Variants in CD109 observed in about 807,000 individuals in gnomAD.
CD109 encodes the protein CD109 molecule, also known as CD109 antigen.
A neutral mutation model predicts 165.8 loss-of-function variants in CD109; 149 were observed. The observed-to-expected ratio is 0.90, with a 90% CI of 0.79 to 1.03. The LOEUF is 1.03. CD109 is among the 50% of genes least tolerant of loss of function. CD109 has a pLI of 0.00. For synonymous variants in CD109, 585 were observed against 592.1 expected (o/e 0.99, Z 0.18); for missense variants, 1,712 against 1,677.8 (o/e 1.02, Z -0.36).
chr6:73,797,553 G>T (rs936407951), intron 23 of CD109, among the ~76,000 whole-genome samples: 1 of 140,582 alleles, frequency 7.1e-6, no homozygotes, highest in Non-Finnish European at 1.5e-5. Context: ...AATTCATAAT[G>T]ATTTCTTTTA....
chr6:73,818,778 A>T (rs937797816), intron 31 of CD109, among the ~76,000 whole-genome samples: 1 of 152,156 alleles, frequency 6.6e-6, no homozygotes, highest in Non-Finnish European at 1.5e-5. Context: ...TCTTTATGTC[A>T]TGCCAGATGT....
chr6:73,799,032 A>G (rs4708084), intron 23 of CD109, among the ~76,000 whole-genome samples: 81,726 of 151,392 alleles, frequency 0.54, 22,517 homozygotes, highest in African/African-American at 0.65. Flanking sequence ...TTGAATTCAT[A>G]GTTAAACTCT....
chr6:73,791,174 T>C (rs747009718), intron 22 of CD109, among the ~76,000 whole-genome samples: 92 of 30,672 alleles, frequency 3.0e-3, no homozygotes, highest in Admixed American at 4.8e-3. Context: ...TATATATATA[T>C]ATACACACAC....
intron 29 of CD109, 116 bp from the exon 30 acceptor site, chr6:73,814,865 A>G: frequency 1.8e-6 from 1 of 570,274 alleles, no homozygotes; most frequent in Non-Finnish European, 2.7e-6. Context: ...TAGTTTGAAG[A>G]TTAAAAATCT....
chr6:73,761,677 C>T (rs745689631), intron 7 of CD109, among the ~76,000 whole-genome samples: 52 of 151,988 alleles, frequency 3.4e-4, no homozygotes, highest in African/African-American at 1.0e-3. Context: ...CCCACCACCA[C>T]GCCTGGCTAA....
At chr6:73,788,016 A>C (rs1003247231) in intron 21 of CD109, among the ~76,000 whole-genome samples, 1 of 152,146 alleles carries the variant, frequency 6.6e-6, no homozygotes, top group African/African-American at 2.4e-5. Flanking sequence ...TGTCATTTTC[A>C]AGGCCAGTCC....
At chr6:73,823,421 G>A in intron 32 of CD109, 37 bp from the exon 33 acceptor site, 1 of 1,514,068 alleles carries the variant, frequency 6.6e-7, no homozygotes, top group Non-Finnish European at 9.0e-7. Context: ...TTCTAAACAA[G>A]GGAGCCGTGT....
At chr6:73,738,980 C>G (rs1021846416) in intron 5 of CD109, among the ~76,000 whole-genome samples, 2 of 152,204 alleles carry the variant, frequency 1.3e-5, no homozygotes, top group African/African-American at 2.4e-5. Context: ...AATTAGTGGT[C>G]CATGATAGAC....
chr6:73,771,658 A>G, intron 15 of CD109, 77 bp downstream of exon 15: 1 of 1,015,056 alleles, frequency 9.9e-7, no homozygotes. Context: ...TACTTTAAAT[A>G]TTTAAAGAAA....
At chr6:73,792,477 GT>G in intron 22 of CD109, 148 bp from the exon 23 acceptor site, 1 of 688,146 alleles carries the variant, frequency 1.5e-6, no homozygotes, top group South Asian at 1.9e-5. Context: ...TAAAAGCTTG[GT>G]GTAAAGTTCC....
At chr6:73,746,532 T>C (rs1478731336) in intron 5 of CD109, among the ~76,000 whole-genome samples, 2 of 152,146 alleles carry the variant, frequency 1.3e-5, no homozygotes, top group East Asian at 3.8e-4. Context: ...ACAGAGAGGG[T>C]TAAATGGGTG....
chr6:73,680,832 G>A, the CD109 span, among the ~76,000 whole-genome samples: 10,058 of 152,202 alleles, frequency 0.066, 525 homozygotes, highest in Admixed American at 0.17. Flanking sequence ...AAAGCACGGC[G>A]CCTGGGTTCT....
At chr6:73,730,809 C>T (rs991488886) in intron 4 of CD109, among the ~76,000 whole-genome samples, 1 of 152,138 alleles carries the variant, frequency 6.6e-6, no homozygotes, top group Non-Finnish European at 1.5e-5. Context: ...TTGATTTATA[C>T]AGTTGTCAAA....
intron 2 of CD109, among the ~76,000 whole-genome samples, chr6:73,703,818 C>G (rs776208307): frequency 1.3e-4 from 20 of 152,150 alleles, no homozygotes; most frequent in Non-Finnish European, 2.4e-4. Context: ...AATTCTGTTG[C>G]TTTGTTTCTC....
At chr6:73,729,081 G>A (rs1772247452) in intron 3 of CD109, among the ~76,000 whole-genome samples, 1 of 152,134 alleles carries the variant, frequency 6.6e-6, no homozygotes, top group African/African-American at 2.4e-5. Context: ...GGTGGTTGGT[G>A]GGAGGCCCTG....
intron 2 of CD109, among the ~76,000 whole-genome samples, chr6:73,702,564 T>A (rs1771123129): frequency 6.6e-6 from 1 of 152,196 alleles, no homozygotes; most frequent in Non-Finnish European, 1.5e-5. Flanking sequence ...GTCTTTGTTC[T>A]TGTGTGTGAT....
At chr6:73,791,176 T>TATACAC (rs1251422367) in intron 22 of CD109, among the ~76,000 whole-genome samples, 1 of 24,150 alleles carries the variant, frequency 4.1e-5, no homozygotes, top group Non-Finnish European at 8.2e-5. Flanking sequence ...TATATATATA[T>TATACAC]ACACACACAC....
chr6:73,696,421 C>G (rs1199377993), intron 1 of CD109, 132 bp downstream of exon 1: 4 of 683,028 alleles, frequency 5.9e-6, no homozygotes, highest in Non-Finnish European at 8.7e-6. Flanking sequence ...GGCTGCAGTC[C>G]CCAGCCTGGT....
intron 2 of CD109, among the ~76,000 whole-genome samples, chr6:73,717,543 A>G (rs756645455): frequency 3.3e-5 from 5 of 151,490 alleles, no homozygotes; most frequent in Non-Finnish European, 7.4e-5. Flanking sequence ...CTGCTATTGT[A>G]AATGGGATTA....
Sources: gnomAD v4.1 joint callset for allele counts (sites outside exome capture counted in the v4.1 genomes callset) on GRCh38, gnomAD v4.1.1 for gene constraint, MANE v1.5 for transcripts, NCBI Gene and HGNC (gene_info 2026-07-23, HGNC 2026-07-21) for gene names.